FIGN: variants seen among roughly 807,000 people sequenced by gnomAD.
FIGN encodes the protein fidgetin.
In FIGN, 11 loss-of-function variants were observed where a neutral mutation model predicts 51.3. The ratio of observed to expected loss-of-function variants is 0.21; its 90% CI spans 0.13 to 0.35. The LOEUF (loss-of-function observed/expected upper bound fraction) is 0.35, where lower values mean the gene tolerates loss of function less well. FIGN is among the 10% of genes least tolerant of loss of function. FIGN has a pLI of 1.00. For missense variants in FIGN, 857 were observed against 943.6 expected (o/e 0.91, Z 1.20); for synonymous variants, 407 against 363.2 (o/e 1.12, Z -1.37).
At position 163,680,628 on chromosome 2, in the gene FIGN, T is replaced by C. The variant is rs546509587; in HGVS notation, c.25+54275A>G. 3.3e-5 allele frequency among the ~76,000 whole-genome samples: 5 copies of C among 152,282 alleles called. No individual in the cohort carries two copies. The East Asian group carries it at 9.7e-4, about 29-fold the overall frequency. ...CATGCTGCTTGCTCATTCTTCTTTTTACCTTCCGTCCTATAATTTGGCAGC... is the reference window on the plus strand; with the variant it reads ...CATGCTGCTTGCTCATTCTTCTTTTCACCTTCCGTCCTATAATTTGGCAGC... On this transcript the variant is annotated intron_variant, in intron 2 of 2. Coordinates refer to ENST00000333129, the MANE Select transcript of FIGN (RefSeq NM_018086.4).
chr2:163,611,845 T>C (rs933090295), intron 2 of FIGN, 39 bp from the exon 3 acceptor site: 14 of 1,547,956 alleles, frequency 9.0e-6, no homozygotes, highest in Non-Finnish European at 1.1e-5. Context: ...TTTACTTAAA[T>C]AGGCATCAGA....
At chr2:163,627,142 C>A (rs1683066384) in intron 2 of FIGN, among the ~76,000 whole-genome samples, 1 of 151,990 alleles carries the variant, frequency 6.6e-6, no homozygotes, top group African/African-American at 2.4e-5. Flanking sequence ...TCTTTTATTC[C>A]TTTGCTTTCT....
intron 2 of FIGN, among the ~76,000 whole-genome samples, chr2:163,686,702 C>G (rs1684154624): frequency 6.6e-6 from 1 of 151,748 alleles, no homozygotes; most frequent in South Asian, 2.1e-4. Flanking sequence ...AGGCCTGGCT[C>G]CCAGTGACAT....
In FIGN at chr2:163,735,028, T is replaced by A; in HGVS notation, c.-101A>T. 8.0e-7 allele frequency: 1 copy of A among 1,247,630 alleles called. No individual in the cohort carries two copies. The highest frequency in any genetic ancestry group is 2.4e-5 in the East Asian group (1 of 41,910). 77.3% of individuals were successfully genotyped at this position (1,247,630 alleles called of 1,614,324 possible). Reference sequence around the variant, plus strand: ...CACTTTTCCTCTCAGCTATCAAATGTCACTGCCTTGAAACGTGGGCCCTTT... The same window carrying A: ...CACTTTTCCTCTCAGCTATCAAATGACACTGCCTTGAAACGTGGGCCCTTT... On this transcript the variant is annotated 5_prime_UTR_variant, in exon 2 of 3. Transcript: ENST00000333129.
intron 2 of FIGN, among the ~76,000 whole-genome samples, chr2:163,724,583 T>C (rs556043360): frequency 1.3e-5 from 2 of 152,228 alleles, no homozygotes; most frequent in Admixed American, 1.3e-4. Context: ...TTTACTGAGT[T>C]GATACAAAAT....
At chr2:163,620,238 G>T (rs962786369) in intron 2 of FIGN, among the ~76,000 whole-genome samples, 1 of 152,132 alleles carries the variant, frequency 6.6e-6, no homozygotes, top group Non-Finnish European at 1.5e-5. Flanking sequence ...GCACTTTGTA[G>T]TTAACCTTTA....
chr2:163,711,211 C>A (rs1330374457), intron 2 of FIGN, among the ~76,000 whole-genome samples: 1 of 152,120 alleles, frequency 6.6e-6, no homozygotes, highest in Non-Finnish European at 1.5e-5. Flanking sequence ...GTGTTTAATA[C>A]AGTTTCATGT....
chr2:163,610,764 A>G lies in FIGN; in HGVS notation c.1068T>C (p.Ile356=). The change falls in exon 3 of 3, where the codon ATT becomes ATC. Residue 356 remains isoleucine, a synonymous_variant. Coordinates refer to ENST00000333129, the MANE Select transcript of FIGN (RefSeq NM_018086.4). ...SPMYRMPDNS[I]SNTNRGNGFD... ...AGCCATTCCCCCGATTTGTGTTTGA[A>G]ATGCTGTTGTCGGGCATTCTGTACA... is the stretch of plus-strand genomic sequence containing the variant. The G allele has an allele frequency of 6.2e-7, 1 of 1,614,128 alleles. No homozygotes were observed. Among genetic ancestry groups the G allele is most frequent in the Non-Finnish European group, 8.5e-7 (1 of 1,180,012 alleles).
rs1282321546 is a variant in FIGN at position 163,735,878 on chromosome 2, T to G, written c.-186A>C. 3 of 152,796 alleles carry G rather than the reference T, an allele frequency of 2.0e-5. No homozygotes were observed. The highest frequency in any genetic ancestry group is 3.4e-3 in the Middle Eastern group (1 of 294). 9.5% of individuals were successfully genotyped at this position (152,796 alleles called of 1,614,324 possible). A position where few individuals can be genotyped will look rare whatever the true frequency, so the allele number is the denominator to read the frequency against. On this transcript the variant is annotated 5_prime_UTR_variant, in exon 1 of 3. It removes an upstream start codon present in the reference 5' UTR. Transcript: ENST00000333129. Reference sequence around the variant, plus strand: ...GAGAACCCGATAGGTTAGCGTAGCATCGATCCGATGTGTTTGCTGATGAAT... The same window carrying G: ...GAGAACCCGATAGGTTAGCGTAGCAGCGATCCGATGTGTTTGCTGATGAAT...
At position 163,603,464 on chromosome 2, in the gene FIGN, A is replaced by T. The variant is rs1350272318; in HGVS notation, c.*6088T>A. The T allele has an allele frequency of 6.6e-6, 1 of 152,074 alleles. No individual in the cohort carries two copies. Among genetic ancestry groups the T allele is most frequent in the Non-Finnish European group, 1.5e-5 (1 of 67,974 alleles). The allele number at this position is 152,074 out of a possible 1,614,324, so 9.4% of individuals were successfully genotyped here. On this transcript the variant is annotated 3_prime_UTR_variant, in exon 3 of 3. Transcript: ENST00000333129. ...TTTTTTTAAATTTCTGTCTCAGACA[A>T]GTACTGTTGGCTGACAAGAAATATG...
In FIGN at chr2:163,609,541, TA is replaced by T. The variant is rs754721436; in HGVS notation, c.*10del. The T allele has an allele frequency of 2.5e-6, 4 of 1,590,496 alleles. No individual in the cohort carries two copies. The highest frequency in any genetic ancestry group is 2.6e-6 in the Non-Finnish European group (3 of 1,167,562). On this transcript the variant is annotated 3_prime_UTR_variant, in exon 3 of 3. Transcript: ENST00000333129. ...CAACATTCATTACATTTTTTTTTTC[TA>T]AAGAAGTTATCACTGACTGCAACCA...
intron 2 of FIGN, among the ~76,000 whole-genome samples, chr2:163,643,311 A>G (rs1020412273): frequency 7.9e-5 from 12 of 152,216 alleles, no homozygotes; most frequent in Non-Finnish European, 1.3e-4. Context: ...TGATAGGACA[A>G]GTAGGTAGCA....
In FIGN at chr2:163,602,860, C is replaced by T. The variant is rs1691000153; in HGVS notation, c.*6692G>A. The T allele has an allele frequency of 6.6e-6, 1 of 151,938 alleles. No homozygotes were observed. The highest frequency in any genetic ancestry group is 2.4e-5 in the African/African-American group (1 of 41,366). 9.4% of individuals were successfully genotyped at this position (151,938 alleles called of 1,614,324 possible). The stretch of plus-strand genomic sequence containing the variant: ...TTCAGTAGGGACAGTTGTTACAATA[C>T]TGAGCACTGAATTTTTTTTTAATAT... On this transcript the variant is annotated 3_prime_UTR_variant, in exon 3 of 3. Transcript: ENST00000333129.
intron 2 of FIGN, among the ~76,000 whole-genome samples, chr2:163,690,441 G>A (rs986489891): frequency 3.9e-5 from 6 of 152,216 alleles, no homozygotes; most frequent in Non-Finnish European, 7.4e-5. Context: ...CCGTAGAGCT[G>A]GGTGAGAATC....
intron 2 of FIGN, among the ~76,000 whole-genome samples, chr2:163,707,928 A>T (rs1294663731): frequency 6.6e-6 from 1 of 152,196 alleles, no homozygotes; most frequent in Non-Finnish European, 1.5e-5. Context: ...AAAAATTTAT[A>T]TTTAAGATTG....
intron 2 of FIGN, 130 bp downstream of exon 2, chr2:163,734,773 T>C (rs1011333571): frequency 3.4e-5 from 26 of 755,276 alleles, no homozygotes; most frequent in Non-Finnish European, 4.7e-5. Flanking sequence ...ATTAAACATA[T>C]ATTTTTTAAA....
At chr2:163,702,460 T>A (rs1684423021) in intron 2 of FIGN, among the ~76,000 whole-genome samples, 1 of 152,088 alleles carries the variant, frequency 6.6e-6, no homozygotes, top group South Asian at 2.1e-4. Flanking sequence ...TCACCACCAT[T>A]TATAACATTG....
chr2:163,734,882 T>C, intron 2 of FIGN, 21 bp downstream of exon 2: 1 of 1,600,142 alleles, frequency 6.2e-7, no homozygotes, highest in Admixed American at 1.7e-5. Flanking sequence ...GCAAAGGAAG[T>C]AAATTCCAAA....
At chr2:163,724,227 T>C (rs1684804307) in intron 2 of FIGN, among the ~76,000 whole-genome samples, 1 of 152,198 alleles carries the variant, frequency 6.6e-6, no homozygotes, top group African/African-American at 2.4e-5. Context: ...GTTACTTTCC[T>C]GAGATGTTCT....
Sources: gnomAD v4.1 joint callset for allele counts (sites outside exome capture counted in the v4.1 genomes callset) on GRCh38, gnomAD v4.1.1 for gene constraint, MANE v1.5 for transcripts, NCBI Gene and HGNC (gene_info 2026-07-23, HGNC 2026-07-21) for gene names.